Variants in GRID2 observed in about 807,000 individuals in gnomAD.
GRID2 encodes the protein glutamate ionotropic receptor delta type subunit 2, also known as glutamate receptor ionotropic, delta-2.
Under a neutral mutation model 114.8 loss-of-function variants are expected in GRID2, and 33 were observed. The observed-to-expected ratio is 0.29, with a 90% CI of 0.22 to 0.38. The LOEUF is 0.38. Ranked by LOEUF, GRID2 falls within the 10% of genes least tolerant of loss-of-function variation. GRID2 has a pLI of 1.00. For missense variants in GRID2, 1,184 were observed against 1,257.7 expected, an observed-to-expected ratio of 0.94 and a Z score of 0.89; for synonymous variants, 505 against 449.9, an observed-to-expected ratio of 1.12 and a Z score of -1.55.
chr4:93,072,743 G>T (rs1029587917), intron 2 of GRID2, among the ~76,000 whole-genome samples: 7 of 151,688 alleles, frequency 4.6e-5, no homozygotes, highest in Admixed American at 4.6e-4. Flanking sequence ...AATTCATAAG[G>T]TAAACTGGAT....
chr4:92,308,427 C>A (rs757181831), intron 1 of GRID2, among the ~76,000 whole-genome samples: 4 of 152,036 alleles, frequency 2.6e-5, no homozygotes, highest in Non-Finnish European at 5.9e-5. Flanking sequence ...TAGTAAAATA[C>A]CTTATGTCAA....
At chr4:92,799,640 G>A (rs1740061280) in intron 2 of GRID2, among the ~76,000 whole-genome samples, 1 of 151,628 alleles carries the variant, frequency 6.6e-6, no homozygotes, top group African/African-American at 2.4e-5. Flanking sequence ...GATTGTTTTG[G>A]GGCCTACCCT....
At chr4:93,130,910 G>A (rs1222869670) in intron 4 of GRID2, among the ~76,000 whole-genome samples, 2 of 152,160 alleles carry the variant, frequency 1.3e-5, no homozygotes, top group East Asian at 3.9e-4. Flanking sequence ...ATTCCAGAAC[G>A]ACTGAAACAG....
chr4:92,550,377 C>A (rs1164201487), intron 1 of GRID2, among the ~76,000 whole-genome samples: 2 of 151,974 alleles, frequency 1.3e-5, no homozygotes, highest in Non-Finnish European at 2.9e-5. Context: ...ATGTTAAGAA[C>A]CATCAACTTA....
At chr4:92,397,677 G>C (rs1286107000) in intron 1 of GRID2, among the ~76,000 whole-genome samples, 58 of 152,076 alleles carry the variant, frequency 3.8e-4, no homozygotes, top group Non-Finnish European at 1.2e-4. Flanking sequence ...AGTAGTAGAG[G>C]AGAGTGGCCT....
At chr4:92,649,803 C>T (rs1474339427) in intron 2 of GRID2, among the ~76,000 whole-genome samples, 2 of 151,958 alleles carry the variant, frequency 1.3e-5, no homozygotes, top group Non-Finnish European at 2.9e-5. Flanking sequence ...CTTGATATCT[C>T]GTAACTTAGA....
chr4:92,728,977 T>C (rs1211666263), intron 2 of GRID2, among the ~76,000 whole-genome samples: 1 of 152,054 alleles, frequency 6.6e-6, no homozygotes, highest in African/African-American at 2.4e-5. Context: ...TTGTTTTTAT[T>C]CCATAGTGCT....
chr4:92,844,413 G>A (rs548247992), intron 2 of GRID2, among the ~76,000 whole-genome samples: 3 of 151,930 alleles, frequency 2.0e-5, no homozygotes, highest in African/African-American at 2.4e-5. Flanking sequence ...GGTGGCAGGC[G>A]ACGTAATCCC....
chr4:93,002,917 T>A (rs1721152461), intron 2 of GRID2, among the ~76,000 whole-genome samples: 2 of 151,794 alleles, frequency 1.3e-5, no homozygotes, highest in African/African-American at 4.8e-5. Flanking sequence ...CTTCCTTGTT[T>A]GCTGACACCT....
intron 1 of GRID2, among the ~76,000 whole-genome samples, chr4:92,476,474 C>A (rs978879937): frequency 2.0e-5 from 3 of 152,110 alleles, no homozygotes; most frequent in African/African-American, 7.2e-5. Flanking sequence ...GTTTATATAA[C>A]TTTTGTAAAC....
At chr4:93,522,701 C>A (rs1358567517) in intron 13 of GRID2, among the ~76,000 whole-genome samples, 4 of 152,028 alleles carry the variant, frequency 2.6e-5, no homozygotes, top group Admixed American at 2.0e-4. Context: ...GACTGGAATT[C>A]TTGGAATCAG....
At chr4:93,633,615 A>G (rs1378103150) in intron 14 of GRID2, among the ~76,000 whole-genome samples, 5 of 152,140 alleles carry the variant, frequency 3.3e-5, no homozygotes, top group African/African-American at 1.2e-4. Context: ...CTTGCTTGAT[A>G]ATTTCTAAAG....
chr4:92,538,475 A>C (rs13108903), intron 1 of GRID2, among the ~76,000 whole-genome samples: 32,308 of 152,140 alleles, frequency 0.21, 3,814 homozygotes, highest in South Asian at 0.29. Context: ...AACAAAGGAA[A>C]TGCATTTGCC....
intron 8 of GRID2, among the ~76,000 whole-genome samples, chr4:93,310,616 G>T (rs1755911817): frequency 6.6e-6 from 1 of 152,140 alleles, no homozygotes; most frequent in Admixed American, 6.5e-5. Context: ...TTGACAAATT[G>T]AGTTGAAAGT....
intron 2 of GRID2, among the ~76,000 whole-genome samples, chr4:92,838,089 C>T (rs1578272382): frequency 6.6e-6 from 1 of 152,170 alleles, no homozygotes; most frequent in Non-Finnish European, 1.5e-5. Context: ...AAACAAACTT[C>T]AGAAAGCCAT....
intron 2 of GRID2, among the ~76,000 whole-genome samples, chr4:92,677,896 C>T (rs183588330): frequency 4.6e-5 from 7 of 152,184 alleles, no homozygotes; most frequent in Admixed American, 3.3e-4. Flanking sequence ...TTACGTAAAT[C>T]AGATCATGCT....
At chr4:92,612,381 G>A (rs927464735) in intron 2 of GRID2, among the ~76,000 whole-genome samples, 3 of 151,518 alleles carry the variant, frequency 2.0e-5, no homozygotes, top group South Asian at 2.1e-4. Context: ...ATCTTGAACT[G>A]TAAGTTTTCC....
intron 5 of GRID2, among the ~76,000 whole-genome samples, chr4:93,211,664 T>C (rs917478839): frequency 1.3e-5 from 2 of 152,138 alleles, no homozygotes; most frequent in African/African-American, 4.8e-5. Flanking sequence ...CCCACAGCCC[T>C]ACTTTCTTGT....
At chr4:92,625,201 TTTTC>T (rs1209424434) in intron 2 of GRID2, among the ~76,000 whole-genome samples, 1 of 151,822 alleles carries the variant, frequency 6.6e-6, no homozygotes, top group Non-Finnish European at 1.5e-5. Context: ...TATATTAATT[TTTTC>T]TTTAATTTAA....
Sources: gnomAD v4.1 joint callset for allele counts (sites outside exome capture counted in the v4.1 genomes callset) on GRCh38, gnomAD v4.1.1 for gene constraint, MANE v1.5 for transcripts, NCBI Gene and HGNC (gene_info 2026-07-23, HGNC 2026-07-21) for gene names.